Variants in PDE4B observed in about 807,000 individuals in gnomAD.
The protein encoded by PDE4B is 3',5'-cyclic-AMP phosphodiesterase 4B.
PDE4B carries 20 observed loss-of-function variants against 82.2 expected under a neutral mutation model. That is an observed-to-expected ratio of 0.24 (90% CI 0.17 to 0.35). The LOEUF is 0.35. Ranked by LOEUF, PDE4B falls within the 10% of genes least tolerant of loss-of-function variation. The pLI is 1.00. For synonymous variants in PDE4B, 320 were observed against 318.9 expected (o/e 1.00, Z -0.04); for missense variants, 655 against 907.2 (o/e 0.72, Z 3.57).
At chr1:65,889,050 C>T (rs1646823793) in intron 1 of PDE4B, among the ~76,000 whole-genome samples, 1 of 152,046 alleles carries the variant, frequency 6.6e-6, no homozygotes, top group Non-Finnish European at 1.5e-5. Flanking sequence ...TTTCCCCATT[C>T]AGTATGACGT....
intron 7 of PDE4B, among the ~76,000 whole-genome samples, chr1:66,279,480 C>T (rs757717042): frequency 1.3e-5 from 2 of 152,130 alleles, no homozygotes; most frequent in Non-Finnish European, 2.9e-5. Context: ...AAAAAATTAG[C>T]CAGATGTGGT....
chr1:66,175,957 T>G (rs183918849), intron 3 of PDE4B, among the ~76,000 whole-genome samples: 1 of 152,326 alleles, frequency 6.6e-6, no homozygotes, highest in Non-Finnish European at 1.5e-5. Flanking sequence ...ATGCAAAAGA[T>G]TTTTTAGGAG....
intron 3 of PDE4B, among the ~76,000 whole-genome samples, chr1:66,071,685 G>C (rs898318295): frequency 6.6e-5 from 10 of 152,152 alleles, no homozygotes; most frequent in African/African-American, 2.4e-4. Flanking sequence ...CATTCTAAAA[G>C]AGGAGCATGT....
chr1:66,019,578 T>C (rs988522576), intron 3 of PDE4B, among the ~76,000 whole-genome samples: 2 of 151,934 alleles, frequency 1.3e-5, no homozygotes, highest in Non-Finnish European at 2.9e-5. Context: ...ATGGTCTTGA[T>C]CTCCTGACCT....
chr1:65,859,031 T>C (rs1646425445), intron 1 of PDE4B, among the ~76,000 whole-genome samples: 1 of 152,146 alleles, frequency 6.6e-6, no homozygotes, highest in South Asian at 2.1e-4. Context: ...AATGTACACA[T>C]TGGCATCCAA....
At chr1:66,155,307 C>T (rs1207088553) in intron 3 of PDE4B, among the ~76,000 whole-genome samples, 1 of 152,054 alleles carries the variant, frequency 6.6e-6, no homozygotes, top group South Asian at 2.1e-4. Flanking sequence ...CTATATGTCT[C>T]TTCTCTTTCC....
chr1:65,829,076 C>A (rs1646051639), intron 1 of PDE4B, among the ~76,000 whole-genome samples: 1 of 149,456 alleles, frequency 6.7e-6, no homozygotes, highest in Non-Finnish European at 1.5e-5. Context: ...CAACAAAACA[C>A]TTTAAATATA....
At chr1:65,895,667 A>G (rs933602020) in intron 1 of PDE4B, among the ~76,000 whole-genome samples, 8 of 151,732 alleles carry the variant, frequency 5.3e-5, no homozygotes, top group African/African-American at 1.5e-4. Flanking sequence ...GTCAAATAGT[A>G]AAAATATACT....
chr1:66,249,439 G>A (rs1326938341), intron 4 of PDE4B, among the ~76,000 whole-genome samples: 3 of 152,160 alleles, frequency 2.0e-5, no homozygotes, highest in Non-Finnish European at 2.9e-5. Context: ...GTCATTCAGA[G>A]TCGCCCCAGA....
At chr1:65,991,227 G>A (rs992649462) in intron 3 of PDE4B, among the ~76,000 whole-genome samples, 5 of 151,958 alleles carry the variant, frequency 3.3e-5, no homozygotes, top group African/African-American at 9.7e-5. Flanking sequence ...ACAGGTGTGT[G>A]CCGTCAAGCC....
At chr1:65,866,890 A>G (rs1557786592) in intron 1 of PDE4B, among the ~76,000 whole-genome samples, 1 of 152,198 alleles carries the variant, frequency 6.6e-6, no homozygotes, top group Non-Finnish European at 1.5e-5. Flanking sequence ...AAATTATAAA[A>G]ATTGTAAGAA....
intron 1 of PDE4B, among the ~76,000 whole-genome samples, chr1:65,856,890 C>T (rs567274602): frequency 2.0e-5 from 3 of 152,298 alleles, no homozygotes; most frequent in East Asian, 1.9e-4. Flanking sequence ...CAGATATACT[C>T]CTTCCTTCGA....
intron 3 of PDE4B, among the ~76,000 whole-genome samples, chr1:66,205,711 A>T (rs1339317206): frequency 6.6e-6 from 1 of 152,248 alleles, no homozygotes; most frequent in East Asian, 1.9e-4. Flanking sequence ...GTTGTGAAAG[A>T]TGGCATTATA....
chr1:66,067,988 A>G (rs1396582461), intron 3 of PDE4B, among the ~76,000 whole-genome samples: 1 of 151,468 alleles, frequency 6.6e-6, no homozygotes, highest in Non-Finnish European at 1.5e-5. Flanking sequence ...GGTATACCTA[A>G]TGCTAAATGA....
chr1:65,850,105 C>G (rs1363920406), intron 1 of PDE4B, among the ~76,000 whole-genome samples: 1 of 141,510 alleles, frequency 7.1e-6, no homozygotes, highest in Non-Finnish European at 1.5e-5. Flanking sequence ...TAGTATTGCC[C>G]TGCACTTTTT....
At chr1:65,837,767 A>G (rs1646157673) in intron 1 of PDE4B, among the ~76,000 whole-genome samples, 1 of 152,098 alleles carries the variant, frequency 6.6e-6, no homozygotes, top group Non-Finnish European at 1.5e-5. Flanking sequence ...TCAAGGGTAC[A>G]TATGCAGATT....
chr1:66,090,661 G>A (rs1358595745), intron 3 of PDE4B, among the ~76,000 whole-genome samples: 7 of 119,150 alleles, frequency 5.9e-5, no homozygotes, highest in African/African-American at 1.7e-4. Flanking sequence ...ATATATGTAT[G>A]TATATATGTG....
rs1645122843 is a variant in PDE4B, at chr1:66,096,525, T to TATATATATA, written c.282-150934_282-150926dup. Among the ~76,000 whole-genome samples the TATATATATA allele has an allele frequency of 2.1e-5, 3 of 142,496 alleles. 1 individual carries two copies. Among genetic ancestry groups the TATATATATA allele is most frequent in the African/African-American group, 7.6e-5 (3 of 39,494 alleles). 93.5% of individuals were successfully genotyped at this position (142,496 alleles called of 152,430 possible). A position where few individuals can be genotyped will look rare whatever the true frequency, so the allele number is the denominator to read the frequency against. ...AAAAAAAATTATATATATATATATA[T>TATATATATA]ATATATATATATATATACTGCATTT... On this transcript the variant is annotated intron_variant, in intron 3 of 16. Coordinates refer to ENST00000341517, the MANE Select transcript of PDE4B (RefSeq NM_002600.4).
intron 3 of PDE4B, among the ~76,000 whole-genome samples, chr1:65,941,570 A>T (rs1306713439): frequency 6.6e-6 from 1 of 152,018 alleles, no homozygotes; most frequent in Non-Finnish European, 1.5e-5. Flanking sequence ...AAATAGAGTT[A>T]CTGGGGGAGG....
Sources: allele counts gnomAD v4.1 joint callset (sites outside exome capture counted in the v4.1 genomes callset), GRCh38; gene constraint gnomAD v4.1.1; transcripts MANE v1.5; gene names NCBI Gene and HGNC (gene_info 2026-07-23, HGNC 2026-07-21).